UNC5B: variants seen among roughly 807,000 people sequenced by gnomAD.
UNC5B encodes unc-5 netrin receptor B.
In UNC5B, 56 loss-of-function variants were observed where a neutral mutation model predicts 103.7. That is an observed-to-expected ratio of 0.54 (90% CI 0.44 to 0.67). UNC5B has a LOEUF of 0.67. Ranked by LOEUF, UNC5B falls within the 30% of genes least tolerant of loss-of-function variation. The pLI, the probability that UNC5B is intolerant of heterozygous loss-of-function variation, is 0.00. For synonymous variants in UNC5B, 577 were observed against 542.0 expected, an observed-to-expected ratio of 1.06 and a Z score of -0.90; for missense variants, 1,194 against 1,284.5, an observed-to-expected ratio of 0.93 and a Z score of 1.08.
At chr10:71,264,945 G>A (rs1844491005) in intron 1 of UNC5B, among the ~76,000 whole-genome samples, 5 of 149,024 alleles carry the variant, frequency 3.4e-5, no homozygotes, top group Non-Finnish European at 5.9e-5. Flanking sequence ...ACCAGCCTGG[G>A]CAACATAGTG....
Position 71,299,229 on chromosome 10 carries a change from G to A in UNC5B, c.2790G>A (p.Met930Ile). 6.2e-7 allele frequency: 1 copy of A among 1,614,186 alleles called. No individual in the cohort carries two copies. Among genetic ancestry groups the A allele is most frequent in the Non-Finnish European group, 8.5e-7 (1 of 1,179,984 alleles). ...GCCTGGCGAGTGCCTTGGAGGAGAT[G>A]GGCAAGAGTGAGATGCTGGTGGCTG... ...LNSLASALEE[M>I]GKSEMLVAVA... Residue 930 changes from methionine to isoleucine, a missense_variant, in exon 17 of 17, where the codon ATG becomes ATA. Met to Ile is a conservative substitution (Grantham distance 10). Transcript: ENST00000335350.
chr10:71,249,866 G>A (rs949900063), intron 1 of UNC5B, among the ~76,000 whole-genome samples: 1 of 152,218 alleles, frequency 6.6e-6, no homozygotes, highest in African/African-American at 2.4e-5. Flanking sequence ...CCAGTGCCAT[G>A]AGGGCTTTTG....
At chr10:71,222,886 G>A (rs911145168) in intron 1 of UNC5B, among the ~76,000 whole-genome samples, 12 of 152,186 alleles carry the variant, frequency 7.9e-5, no homozygotes, top group African/African-American at 2.9e-4. Context: ...CCTGGCTGGG[G>A]ACCTGGACAC....
chr10:71,256,400 C>T (rs549568542), intron 1 of UNC5B, among the ~76,000 whole-genome samples: 11 of 152,360 alleles, frequency 7.2e-5, no homozygotes, highest in African/African-American at 2.6e-4. Context: ...CTCCCCAGTG[C>T]CCTGCCTGGG....
At chr10:71,259,916 T>C (rs1181999580) in intron 1 of UNC5B, among the ~76,000 whole-genome samples, 1 of 152,018 alleles carries the variant, frequency 6.6e-6, no homozygotes, top group Non-Finnish European at 1.5e-5. Context: ...CAGCTCGGAG[T>C]CTGCCCATCG....
At chr10:71,231,430 G>T (rs1009080250) in intron 1 of UNC5B, among the ~76,000 whole-genome samples, 2 of 152,128 alleles carry the variant, frequency 1.3e-5, no homozygotes, top group African/African-American at 4.8e-5. Flanking sequence ...TCCTTTCCTG[G>T]CCCCCTGCCT....
rs1181943300 is a variant in UNC5B, at chr10:71,293,762, G to T, written c.2004G>T (p.Arg668Ser). ...CCTGCTACTGCCAGCTGGAGCCCAG[G>T]GCCTGTCACATCCTGCTGGACCAGC... ...NTPCYCQLEPRACHILLDQLG... is the reference protein window; with the variant it reads ...NTPCYCQLEPSACHILLDQLG... Residue 668 changes from arginine (R) to serine (S), a missense_variant, in exon 13 of 17, where the codon AGG becomes AGT. Physicochemically the swap from Arg to Ser is moderately radical, Grantham distance 110 (BLOSUM62 -1). Transcript: ENST00000335350. The T allele has an allele frequency of 6.3e-7, 1 of 1,598,306 alleles. No individual in the cohort carries two copies. Among genetic ancestry groups the T allele is most frequent in the South Asian group, 1.1e-5 (1 of 88,736 alleles).
Position 71,291,748 on chromosome 10 carries a change from G to A in UNC5B, c.1611G>A (p.Leu537=), listed in dbSNP as rs548045252. 38 of 1,610,798 alleles carry A rather than the reference G, an allele frequency of 2.4e-5. No homozygotes were observed. In the South Asian group the frequency reaches 3.8e-4, roughly 16 times the overall value. The part of the protein sequence containing the change: ...ASLGSQQLLG[L]PRDPGSSVSG... ...TCGGTTCCCAGCAGCTCTTGGGCCTGCCCCGAGACCCAGGGAGCAGCGTCA... is the reference window on the plus strand; with the variant it reads ...TCGGTTCCCAGCAGCTCTTGGGCCTACCCCGAGACCCAGGGAGCAGCGTCA... The change falls in exon 10 of 17, where the codon CTG becomes CTA. Residue 537 remains leucine (L), a synonymous_variant. Transcript: ENST00000335350.
At chr10:71,268,917 TC>T (rs1844581312) in intron 1 of UNC5B, among the ~76,000 whole-genome samples, 2 of 152,172 alleles carry the variant, frequency 1.3e-5, no homozygotes, top group African/African-American at 4.8e-5. Flanking sequence ...CCAGCCTCAC[TC>T]CCCGTGCCAG....
At chr10:71,257,043 C>T (rs181243397) in intron 1 of UNC5B, among the ~76,000 whole-genome samples, 127 of 152,256 alleles carry the variant, frequency 8.3e-4, no homozygotes, top group African/African-American at 2.8e-3. Flanking sequence ...GCCCCAACAG[C>T]GGGGCCCAGA....
At chr10:71,243,056 A>G (rs1843942147) in intron 1 of UNC5B, among the ~76,000 whole-genome samples, 2 of 152,004 alleles carry the variant, frequency 1.3e-5, no homozygotes, top group African/African-American at 4.8e-5. Flanking sequence ...AACAGGCTGT[A>G]TTTTGTATTT....
intron 1 of UNC5B, among the ~76,000 whole-genome samples, chr10:71,260,529 C>T (rs1844392892): frequency 6.6e-6 from 1 of 152,236 alleles, no homozygotes. Context: ...TTCCTGTCTT[C>T]CCTGCAGGGC....
rs10681577 is a variant in UNC5B at position 71,300,029 on chromosome 10, C to CTGTG, written c.*782_*785dup. On this transcript the variant is annotated 3_prime_UTR_variant, in exon 17 of 17. Coordinates refer to ENST00000335350, the MANE Select transcript of UNC5B (RefSeq NM_170744.5). ...CACTTCTGGCCAGGAGTGAATGTGCCTGTGTGTGTGTGTGTGTGTGTGTGT... is the reference window on the plus strand; with the variant it reads ...CACTTCTGGCCAGGAGTGAATGTGCCTGTGTGTGTGTGTGTGTGTGTGTGTGTGT... 21,194 of 146,530 alleles carry CTGTG rather than the reference C, an allele frequency of 0.14. 1,630 individuals are homozygous for CTGTG. Among genetic ancestry groups the CTGTG allele is most frequent in the East Asian group, 0.38 (1,863 of 4,960 alleles). 9.1% of individuals were successfully genotyped at this position (146,530 alleles called of 1,614,324 possible). A position where few individuals can be genotyped will look rare whatever the true frequency, so the allele number is the denominator to read the frequency against.
At chr10:71,293,335 G>A in intron 11 of UNC5B, 70 bp from the exon 12 acceptor site, 2 of 1,515,772 alleles carry the variant, frequency 1.3e-6, no homozygotes, top group Middle Eastern at 1.8e-4. Flanking sequence ...GCAGACTTGG[G>A]AGCCCAGCAG....
chr10:71,256,161 A>G (rs1369579958), intron 1 of UNC5B, among the ~76,000 whole-genome samples: 1 of 152,130 alleles, frequency 6.6e-6, no homozygotes, highest in Non-Finnish European at 1.5e-5. Flanking sequence ...TCTCCAGGTG[A>G]CATTGCACAT....
At chr10:71,239,587 C>T (rs2132257710) in intron 1 of UNC5B, among the ~76,000 whole-genome samples, 1 of 152,314 alleles carries the variant, frequency 6.6e-6, no homozygotes, top group African/African-American at 2.4e-5. Context: ...CCCTGCCCAG[C>T]GCTGAGGTTA....
intron 1 of UNC5B, among the ~76,000 whole-genome samples, chr10:71,259,846 A>C (rs1338975143): frequency 6.6e-6 from 1 of 152,186 alleles, no homozygotes; most frequent in Non-Finnish European, 1.5e-5. Flanking sequence ...GAGGGTCTCA[A>C]GGGTGTATTC....
chr10:71,237,279 T>C (rs925651054), intron 1 of UNC5B, among the ~76,000 whole-genome samples: 1 of 152,242 alleles, frequency 6.6e-6, no homozygotes, highest in African/African-American at 2.4e-5. Flanking sequence ...CTACCCTCCC[T>C]GCTTCCAAAC....
intron 1 of UNC5B, among the ~76,000 whole-genome samples, chr10:71,241,250 G>C (rs992253129): frequency 6.6e-6 from 1 of 152,188 alleles, no homozygotes; most frequent in African/African-American, 2.4e-5. Context: ...TTAGCTAGAG[G>C]AGAGGTTGCC....
Sources: allele counts gnomAD v4.1 joint callset (sites outside exome capture counted in the v4.1 genomes callset), GRCh38; gene constraint gnomAD v4.1.1; transcripts MANE v1.5; gene names NCBI Gene and HGNC (gene_info 2026-07-23, HGNC 2026-07-21).